Variants in PDCD6IP observed in about 807,000 individuals in gnomAD.
The protein encoded by PDCD6IP is programmed cell death 6-interacting protein.
Under a neutral mutation model 103.7 loss-of-function variants are expected in PDCD6IP, and 43 were observed. The ratio of observed to expected loss-of-function variants is 0.41; its 90% CI spans 0.32 to 0.53. PDCD6IP has a LOEUF of 0.53. Among genes scored for constraint, PDCD6IP ranks in the 20% least tolerant of loss-of-function variants. The pLI is 0.16. For missense variants in PDCD6IP, 871 were observed against 1,036.7 expected (o/e 0.84, Z 2.20); for synonymous variants, 354 against 378.7 (o/e 0.93, Z 0.76).
Position 33,814,853 on chromosome 3 carries a change from TATAC to T in PDCD6IP, c.334+1229_334+1232del, listed in dbSNP as rs1391967706. Among the ~76,000 whole-genome samples the T allele has an allele frequency of 2.1e-5, 3 of 145,362 alleles. No homozygotes were observed. The East Asian group carries it at 6.0e-4, about 29-fold the overall frequency. ...GTATACTATATGCATGTATTATTCA[TATAC>T]ATATATGTATATACATATATACATA... On this transcript the variant is annotated intron_variant, in intron 3 of 17. Transcript: ENST00000307296.
chr3:33,838,447 A>G (rs1697399325), intron 9 of PDCD6IP, 120 bp downstream of exon 9: 1 of 859,708 alleles, frequency 1.2e-6, no homozygotes, highest in Admixed American at 2.5e-5. Context: ...GAAAATGTAG[A>G]CACACACTTA....
At chr3:33,856,081 G>A (rs1559796666) in intron 15 of PDCD6IP, among the ~76,000 whole-genome samples, 1 of 152,182 alleles carries the variant, frequency 6.6e-6, no homozygotes, top group Non-Finnish European at 1.5e-5. Context: ...AAACTCTATT[G>A]TGAACTGCCC....
In PDCD6IP at chr3:33,813,208, C is replaced by T. The variant is rs76184271; in HGVS notation, c.265-351C>T. On this transcript the variant is annotated intron_variant, in intron 2 of 17. Coordinates refer to ENST00000307296, the MANE Select transcript of PDCD6IP (RefSeq NM_013374.6). ...ATGGAATAGTTTTTAATTTCATCTT[C>T]TAGGAAACCTGTAGTACTTACTTTT... The T allele has an allele frequency of 5.1e-4, 83 of 162,744 alleles. 1 individual carries two copies. In the East Asian group the frequency reaches 0.014, roughly 27 times the overall value. The allele number at this position is 162,744 out of a possible 1,614,324, so 10.1% of individuals were successfully genotyped here.
At chr3:33,831,440 G>C (rs1194873117) in intron 7 of PDCD6IP, among the ~76,000 whole-genome samples, 1 of 152,028 alleles carries the variant, frequency 6.6e-6, no homozygotes, top group Non-Finnish European at 1.5e-5. Context: ...AGGGATGAGG[G>C]CTTATAACAT....
intron 3 of PDCD6IP, among the ~76,000 whole-genome samples, chr3:33,819,320 A>G (rs7649536): frequency 0.29 from 44,180 of 151,674 alleles, 6,615 homozygotes; most frequent in East Asian, 0.41. Context: ...CTTTTCTTTT[A>G]TGGATGTACT....
intron 1 of PDCD6IP, among the ~76,000 whole-genome samples, chr3:33,811,506 G>T (rs369928672): frequency 1.3e-5 from 2 of 152,180 alleles, no homozygotes; most frequent in South Asian, 4.1e-4. Context: ...CACCCTGATG[G>T]GGGGAAGTCT....
chr3:33,816,897 G>A (rs865866850), intron 3 of PDCD6IP, among the ~76,000 whole-genome samples: 5 of 152,172 alleles, frequency 3.3e-5, no homozygotes, highest in Middle Eastern at 3.2e-3. Flanking sequence ...ACACTTGAGT[G>A]ATGAACTCAA....
chr3:33,853,981 G>A lies in PDCD6IP; in HGVS notation c.1993G>A (p.Glu665Lys). The change falls in exon 14 of 18, where the codon GAA (glutamate) becomes AAA (lysine). Residue 665 changes from glutamate (E) to lysine (K), a missense_variant. By Grantham distance (56) the Glu-to-Lys change is moderately conservative (BLOSUM62 1). This residue lies in a region of PDCD6IP where 266 missense variants were observed against 390.5 expected (regional missense o/e 0.68). Transcript: ENST00000307296. ...NLATAYDNFV[E>K]LVANLKEGTK... ...AGCTACTGCATATGACAACTTTGTT[G>A]AACTTGTAGCTAATTTGAAGGAAGG... The A allele has an allele frequency of 6.3e-7, 1 of 1,584,816 alleles. No individual in the cohort carries two copies. Among genetic ancestry groups the A allele is most frequent in the Non-Finnish European group, 8.5e-7 (1 of 1,170,654 alleles).
In PDCD6IP at chr3:33,838,363, C is replaced by G. The variant is rs180890370; in HGVS notation, c.1181+36C>G. ...CTTAATTTTAGAGCCTAAAGTTTTC[C>G]GTTTGGTTGTTCTTTAGTTTATGAA... On this transcript the variant is annotated intron_variant, in intron 9 of 17. Transcript: ENST00000307296. The G allele has an allele frequency of 1.3e-3, 1,953 of 1,558,570 alleles. 5 individuals carry two copies. The highest frequency in any genetic ancestry group is 1.6e-3 in the Non-Finnish European group (1,871 of 1,135,818).
At chr3:33,855,586 C>T (rs1283304816) in intron 15 of PDCD6IP, among the ~76,000 whole-genome samples, 2 of 152,140 alleles carry the variant, frequency 1.3e-5, no homozygotes, top group Non-Finnish European at 1.5e-5. Flanking sequence ...TTACATAAAA[C>T]TAGAGCTATA....
intron 1 of PDCD6IP, among the ~76,000 whole-genome samples, chr3:33,807,200 A>T (rs549338924): frequency 6.6e-6 from 1 of 152,288 alleles, no homozygotes; most frequent in East Asian, 1.9e-4. Context: ...TTCCTCACCC[A>T]TTTGCAGAGG....
chr3:33,809,419 G>A (rs1304794794), intron 1 of PDCD6IP, among the ~76,000 whole-genome samples: 2 of 152,174 alleles, frequency 1.3e-5, no homozygotes, highest in Non-Finnish European at 2.9e-5. Context: ...TTAGTGACTC[G>A]AATGTATAGT....
chr3:33,844,299 G>C, intron 11 of PDCD6IP, 76 bp downstream of exon 11: 1 of 725,156 alleles, frequency 1.4e-6, no homozygotes, highest in Non-Finnish European at 2.2e-6. Flanking sequence ...ATTAAATTAG[G>C]CTCAGTTGTA....
In PDCD6IP at chr3:33,836,822, A is replaced by G. The variant is rs529379752; in HGVS notation, c.1057+556A>G. On this transcript the variant is annotated intron_variant, in intron 8 of 17. Transcript: ENST00000307296. ...TGCAGTGAGCTGAGACCGTGCCACC[A>G]TACTCCAGCCTGGGTGACAGAGAGA... Among the ~76,000 whole-genome samples the G allele has an allele frequency of 2.8e-4, 43 of 152,078 alleles. No homozygotes were observed. The South Asian group carries it at 6.8e-3, about 24-fold the overall frequency.
chr3:33,824,657 T>G (rs1306549269), intron 4 of PDCD6IP, among the ~76,000 whole-genome samples: 1 of 152,240 alleles, frequency 6.6e-6, no homozygotes, highest in African/African-American at 2.4e-5. Context: ...CAAAATATAA[T>G]TGAGATGAAA....
intron 7 of PDCD6IP, among the ~76,000 whole-genome samples, chr3:33,833,898 C>A (rs2125561420): frequency 6.6e-6 from 1 of 152,204 alleles, no homozygotes; most frequent in South Asian, 2.1e-4. Flanking sequence ...GTTAAGGGCT[C>A]CCTCCTAAGG....
chr3:33,803,403 A>C (rs1465986435), intron 1 of PDCD6IP, among the ~76,000 whole-genome samples: 1 of 152,166 alleles, frequency 6.6e-6, no homozygotes, highest in Non-Finnish European at 1.5e-5. Flanking sequence ...GAGGTTGAAC[A>C]GTTTTTGTTT....
intron 9 of PDCD6IP, among the ~76,000 whole-genome samples, chr3:33,840,055 T>C (rs560977769): frequency 1.3e-5 from 2 of 152,296 alleles, no homozygotes; most frequent in South Asian, 4.1e-4. Context: ...TTATGGATGC[T>C]GACCCCCCTG....
chr3:33,829,074 C>A (rs2125558709), intron 7 of PDCD6IP, 105 bp downstream of exon 7: 1 of 779,176 alleles, frequency 1.3e-6, no homozygotes, highest in Non-Finnish European at 1.9e-6. Context: ...CGTTCATCAC[C>A]CCTATCAGCA....
Sources: gnomAD v4.1 joint callset for allele counts (sites outside exome capture counted in the v4.1 genomes callset) on GRCh38, gnomAD v4.1.1 for gene constraint, gnomAD v4.1.1 regional missense constraint, MANE v1.5 for transcripts, NCBI Gene and HGNC (gene_info 2026-07-23, HGNC 2026-07-21) for gene names.